The following DAAM2 variants were observed in gnomAD, a reference collection of about 807,000 sequenced individuals.
DAAM2 encodes the protein disheveled-associated activator of morphogenesis 2.
A neutral mutation model predicts 120.7 loss-of-function variants in DAAM2; 39 were observed. The observed-to-expected ratio is 0.32, with a 90% confidence interval of 0.25 to 0.42. DAAM2 has a LOEUF of 0.42. Among genes scored for constraint, DAAM2 ranks in the 10% least tolerant of loss-of-function variants. The pLI is 1.00. For synonymous variants in DAAM2, 488 were observed against 524.9 expected (o/e 0.93, Z 0.96); for missense variants, 1,283 against 1,401.7 (o/e 0.92, Z 1.35).
chr6:39,901,562 G>A lies in DAAM2; in HGVS notation c.2982+90G>A. On this transcript the variant is annotated intron_variant, in intron 24 of 24. Coordinates refer to ENST00000274867, the MANE Select transcript of DAAM2 (RefSeq NM_001201427.2). The surrounding 1 kb of genome is among the most constrained non-coding windows in gnomAD (Gnocchi z 4.5). Reference sequence around the variant, plus strand: ...AACTGGGGTGTGTGGGAGGAGGGCAGAGACTGAGGAACTGAGGAACACCAT... The same window carrying A: ...AACTGGGGTGTGTGGGAGGAGGGCAAAGACTGAGGAACTGAGGAACACCAT... 7.1e-7 allele frequency: 1 copy of A among 1,407,934 alleles called. No homozygotes were observed. Among genetic ancestry groups the A allele is most frequent in the Non-Finnish European group, 9.6e-7 (1 of 1,043,518 alleles). 87.2% of individuals were successfully genotyped at this position (1,407,934 alleles called of 1,614,324 possible). A position where few individuals can be genotyped will look rare whatever the true frequency, so the allele number is the denominator to read the frequency against.
intron 1 of DAAM2, among the ~76,000 whole-genome samples, chr6:39,837,248 G>A (rs990568134): frequency 1.3e-5 from 2 of 152,180 alleles, no homozygotes; most frequent in African/African-American, 4.8e-5. Context: ...CAGGGTGGGT[G>A]CATCTTGGCA....
intron 7 of DAAM2, 148 bp downstream of exon 7, chr6:39,869,081 C>T (rs1295842884): frequency 3.1e-5 from 20 of 650,918 alleles, no homozygotes; most frequent in South Asian, 9.2e-5. Flanking sequence ...GCATCATGCA[C>T]GGTGGACAGA....
At chr6:39,824,433 C>G (rs1274178286) in intron 1 of DAAM2, among the ~76,000 whole-genome samples, 2 of 152,192 alleles carry the variant, frequency 1.3e-5, no homozygotes, top group Non-Finnish European at 2.9e-5. Context: ...CCCTGTGCTC[C>G]AGGATCAAGT....
intron 1 of DAAM2, among the ~76,000 whole-genome samples, chr6:39,842,687 T>TATATA (rs1763395983): frequency 2.6e-5 from 4 of 152,060 alleles, no homozygotes; most frequent in Non-Finnish European, 5.9e-5. Flanking sequence ...TTAAATAACG[T>TATATA]ATGTAATGAA....
chr6:39,864,352 C>A, intron 3 of DAAM2, 81 bp from the exon 4 acceptor site: 1 of 1,089,244 alleles, frequency 9.2e-7, no homozygotes, highest in South Asian at 1.4e-5. Flanking sequence ...AATCCCTCTG[C>A]TGACACGGAA....
intron 1 of DAAM2, among the ~76,000 whole-genome samples, chr6:39,810,575 C>T (rs1418011857): frequency 2.6e-5 from 4 of 152,038 alleles, no homozygotes. Flanking sequence ...ACCCACTTGC[C>T]CCACCCCAGC....
chr6:39,899,930 T>G (rs1766368410), intron 22 of DAAM2, 147 bp from the exon 23 acceptor site: 1 of 884,380 alleles, frequency 1.1e-6, no homozygotes, highest in African/African-American at 1.7e-5. Flanking sequence ...CTCATAGTCT[T>G]TGCCATCCTT....
At position 39,861,004 on chromosome 6, in the gene DAAM2, G is replaced by T. The variant is rs1402436508; in HGVS notation, c.245G>T (p.Cys82Phe). Reference sequence around the variant, plus strand: ...CCTGAGAAGAAATGGCAGATCTACTGCAGCAAGAAGAAGGTGCCCTCTCTG... The same window carrying T: ...CCTGAGAAGAAATGGCAGATCTACTTCAGCAAGAAGAAGGTGCCCTCTCTG... Reference protein sequence around the residue: ...LPPEKKWQIYCSKKKEQEDPN... With the variant: ...LPPEKKWQIYFSKKKEQEDPN... The change falls in exon 3 of 25, where the codon TGC becomes TTC. Residue 82 changes from cysteine to phenylalanine, a missense_variant. Physicochemically the swap from Cys to Phe is radical, Grantham distance 205 (BLOSUM62 -2). Around this residue, in one of 3 missense-constraint regions of DAAM2, gnomAD observed 197 missense variants for 189.3 expected, o/e 1.04. Transcript: ENST00000274867. 1 of 1,611,034 alleles carries T rather than the reference G, an allele frequency of 6.2e-7. No individual in the cohort carries two copies.
chr6:39,841,641 A>C (rs1212050529), intron 1 of DAAM2, among the ~76,000 whole-genome samples: 1 of 152,072 alleles, frequency 6.6e-6, no homozygotes, highest in Non-Finnish European at 1.5e-5. Flanking sequence ...TTCCAGGATG[A>C]GGTGGGTAAG....
chr6:39,871,836 C>G (rs1414489040), intron 9 of DAAM2, among the ~76,000 whole-genome samples: 3 of 152,180 alleles, frequency 2.0e-5, no homozygotes, highest in Admixed American at 1.3e-4. Context: ...AGTCCCATGA[C>G]AGGTCGGAGT....
intron 5 of DAAM2, 140 bp downstream of exon 5, chr6:39,865,214 C>T (rs1235915342): frequency 1.6e-6 from 1 of 639,544 alleles, no homozygotes; most frequent in Non-Finnish European, 2.9e-6. Flanking sequence ...ACTTCCCAGC[C>T]CCTACTCCTC....
chr6:39,869,874 C>T (rs1441656324), intron 7 of DAAM2, among the ~76,000 whole-genome samples: 1 of 150,560 alleles, frequency 6.6e-6, no homozygotes, highest in Non-Finnish European at 1.5e-5. Flanking sequence ...TTGGTACCAC[C>T]TTTTCATGGC....
In DAAM2 at chr6:39,878,606, C is replaced by A; in HGVS notation, c.1545+18C>A. ...AACTCTCAGTATGCAAGCATCTCCC[C>A]CTTTACATAGTTGAGCCAAGACCCT... On this transcript the variant is annotated intron_variant, in intron 13 of 24. Coordinates refer to ENST00000274867, the MANE Select transcript of DAAM2 (RefSeq NM_001201427.2). The surrounding 1 kb of genome is among the most constrained non-coding windows in gnomAD (Gnocchi z 5.0). The A allele has an allele frequency of 6.3e-7, 1 of 1,590,282 alleles. No individual in the cohort carries two copies. The highest frequency in any genetic ancestry group is 8.6e-7 in the Non-Finnish European group (1 of 1,169,138).
intron 1 of DAAM2, among the ~76,000 whole-genome samples, chr6:39,828,115 A>C (rs1327229809): frequency 6.6e-6 from 1 of 152,206 alleles, no homozygotes; most frequent in Non-Finnish European, 1.5e-5. Flanking sequence ...GACTCTCGCT[A>C]GACTATTAGC....
Position 39,875,442 on chromosome 6 carries a change from C to T in DAAM2, c.1275C>T (p.Asn425=), listed in dbSNP as rs1231053841. The change falls in exon 11 of 25, where the codon AAC becomes AAT. Residue 425 remains asparagine (N), a synonymous_variant. Coordinates refer to ENST00000274867, the MANE Select transcript of DAAM2 (RefSeq NM_001201427.2). ...GVDPDLAPLE[N]FNVKNIVNML... ...ACCCTGACCTGGCTCCCTTGGAGAA[C>T]TTCAATGTCAAGAACATCGTCAACA... The T allele has an allele frequency of 2.5e-5, 40 of 1,613,790 alleles. No homozygotes were observed. Among genetic ancestry groups the T allele is most frequent in the African/African-American group, 8.0e-5 (6 of 74,918 alleles).
chr6:39,863,602 G>A (rs564078955), intron 3 of DAAM2, among the ~76,000 whole-genome samples: 24 of 152,240 alleles, frequency 1.6e-4, no homozygotes, highest in Middle Eastern at 3.4e-3. Context: ...AAGTGACCTG[G>A]GGCACAGGAA....
intron 1 of DAAM2, among the ~76,000 whole-genome samples, chr6:39,843,222 TC>T (rs1763421929): frequency 6.6e-6 from 1 of 152,136 alleles, no homozygotes; most frequent in African/African-American, 2.4e-5. Context: ...GTCCCTGCCC[TC>T]TAGGAATTTC....
Position 39,891,458 on chromosome 6 carries a change from G to A in DAAM2, c.2252+11G>A. On this transcript the variant is annotated intron_variant, in intron 18 of 24. Coordinates refer to ENST00000274867, the MANE Select transcript of DAAM2 (RefSeq NM_001201427.2). ...CTATGAAATGAGCAGGTTGGGCCAT[G>A]GGCATGGTGGGGATTCAAGCAGGTG... 6.3e-7 allele frequency: 1 copy of A among 1,594,456 alleles called. No homozygotes were observed. Among genetic ancestry groups the A allele is most frequent in the Non-Finnish European group, 8.6e-7 (1 of 1,168,878 alleles).
chr6:39,833,371 C>T (rs1762988212), intron 1 of DAAM2, among the ~76,000 whole-genome samples: 1 of 152,072 alleles, frequency 6.6e-6, no homozygotes, highest in Non-Finnish European at 1.5e-5. Context: ...GTGGTGTGAT[C>T]TCAGCTCACT....
Sources: gnomAD v4.1 joint callset for allele counts (sites outside exome capture counted in the v4.1 genomes callset) on GRCh38, gnomAD v4.1.1 for gene constraint, gnomAD v4.1.1 regional missense constraint, Gnocchi (gnomAD v3.1) non-coding constraint, MANE v1.5 for transcripts, NCBI Gene and HGNC (gene_info 2026-07-23, HGNC 2026-07-21) for gene names.